The following MAMDC2 variants were observed in gnomAD, a reference collection of about 807,000 sequenced individuals.
MAMDC2 encodes MAM domain containing 2, also known as MAM domain-containing protein 2.
Under a neutral mutation model 89.8 loss-of-function variants are expected in MAMDC2, and 57 were observed. The ratio of observed to expected loss-of-function variants is 0.63; its 90% CI spans 0.51 to 0.79. MAMDC2 has a LOEUF of 0.79. Ranked by LOEUF, MAMDC2 falls within the 30% of genes least tolerant of loss-of-function variation. The pLI, the probability that MAMDC2 is intolerant of heterozygous loss-of-function variation, is 0.00. For synonymous variants in MAMDC2, 313 were observed against 293.4 expected (o/e 1.07, Z -0.68); for missense variants, 800 against 820.6 (o/e 0.97, Z 0.31).
chr9:70,065,596 T>A lies in MAMDC2; in HGVS notation c.148+20899T>A, dbSNP rs867363159. 6.9e-3 allele frequency among the ~76,000 whole-genome samples: 894 copies of A among 128,782 alleles called. 8 individuals carry two copies. The highest frequency in any genetic ancestry group is 0.014 in the African/African-American group (497 of 35,572). The allele number at this position is 128,782 out of a possible 152,430, so 84.5% of individuals were successfully genotyped here. A position where few individuals can be genotyped will look rare whatever the true frequency, so the allele number is the denominator to read the frequency against. ...CCCACGTCCTTTTTTTTTTTTTTTT[T>A]AATACATGGAGGCCCCTGAAAGTTA... On this transcript the variant is annotated intron_variant, in intron 2 of 13. Transcript: ENST00000377182.
intron 11 of MAMDC2, among the ~76,000 whole-genome samples, chr9:70,173,210 C>T (rs1434408961): frequency 1.3e-5 from 2 of 152,030 alleles, no homozygotes; most frequent in African/African-American, 4.8e-5. Context: ...AACATTGAAT[C>T]TAGCGGAAAG....
At chr9:70,197,023 C>A (rs945226933) in intron 11 of MAMDC2, among the ~76,000 whole-genome samples, 8 of 151,544 alleles carry the variant, frequency 5.3e-5, no homozygotes, top group Non-Finnish European at 8.8e-5. Flanking sequence ...ATGCTCCTAG[C>A]CATTCTAAAT....
At chr9:70,209,573 T>G (rs758030940) in intron 11 of MAMDC2, among the ~76,000 whole-genome samples, 1 of 137,514 alleles carries the variant, frequency 7.3e-6, no homozygotes, top group Non-Finnish European at 1.6e-5. Flanking sequence ...ATTGATCTTT[T>G]TAAAAAACCA....
At chr9:70,135,683 A>C (rs899624665) in intron 7 of MAMDC2, among the ~76,000 whole-genome samples, 21 of 152,130 alleles carry the variant, frequency 1.4e-4, no homozygotes, top group African/African-American at 4.6e-4. Context: ...AATTGAGAGG[A>C]AGATACAGAG....
intron 9 of MAMDC2, chr9:70,157,708 G>A (rs2031812548): frequency 2.0e-5 from 3 of 152,508 alleles, no homozygotes; most frequent in African/African-American, 7.2e-5. Flanking sequence ...ATTTGGTTCT[G>A]CTTTATTCAA....
chr9:70,155,439 G>A (rs567187045), intron 9 of MAMDC2, among the ~76,000 whole-genome samples: 2 of 152,018 alleles, frequency 1.3e-5, no homozygotes, highest in African/African-American at 2.4e-5. Flanking sequence ...CTTGCTCTTC[G>A]TCAAAACCAA....
At chr9:70,084,660 T>G (rs183639067) in intron 2 of MAMDC2, among the ~76,000 whole-genome samples, 291 of 152,302 alleles carry the variant, frequency 1.9e-3, no homozygotes, top group African/African-American at 6.8e-3. Context: ...CTAAATGTGC[T>G]TTCAATTCAG....
intron 11 of MAMDC2, among the ~76,000 whole-genome samples, chr9:70,186,663 T>C (rs1212481201): frequency 6.6e-6 from 1 of 152,258 alleles, no homozygotes; most frequent in Non-Finnish European, 1.5e-5. Flanking sequence ...TATAAAGGAA[T>C]ATCTGAGATG....
chr9:70,143,583 A>G lies in MAMDC2; in HGVS notation c.1168A>G (p.Thr390Ala), dbSNP rs1213312934. Residue 390 changes from threonine to alanine, a missense_variant, in exon 9 of 14, where the codon ACA (threonine) becomes GCA (alanine). Coordinates refer to ENST00000377182, the MANE Select transcript of MAMDC2 (RefSeq NM_153267.5). ...TTACCTGCTAGCCAACACAAAGTTC[A>G]CATCTCAGCCTGGCTACATTGGAAG... ...GYYLLANTKFTSQPGYIGRLY... is the reference protein window; with the variant it reads ...GYYLLANTKFASQPGYIGRLY... 1.2e-6 allele frequency: 2 copies of G among 1,614,028 alleles called. No homozygotes were observed. Among genetic ancestry groups the G allele is most frequent in the Admixed American group, 1.7e-5 (1 of 60,000 alleles).
intron 11 of MAMDC2, chr9:70,217,269 C>T (rs1221790794): frequency 2.5e-5 from 28 of 1,098,940 alleles, no homozygotes; most frequent in South Asian, 7.4e-5. Flanking sequence ...CCAGGACCGA[C>T]GGGAAGGTTT....
At chr9:70,164,836 C>T (rs1265506710) in intron 9 of MAMDC2, among the ~76,000 whole-genome samples, 3 of 151,792 alleles carry the variant, frequency 2.0e-5, no homozygotes, top group African/African-American at 7.3e-5. Context: ...GATGGAACCT[C>T]TCTATGCTGC....
At chr9:70,060,391 T>G (rs79169282) in intron 2 of MAMDC2, among the ~76,000 whole-genome samples, 1 of 152,214 alleles carries the variant, frequency 6.6e-6, no homozygotes, top group Non-Finnish European at 1.5e-5. Context: ...TCGAGCATCA[T>G]GGAGACTTCC....
At chr9:70,148,443 T>C (rs1418967363) in intron 9 of MAMDC2, among the ~76,000 whole-genome samples, 1 of 150,412 alleles carries the variant, frequency 6.6e-6, no homozygotes, top group Non-Finnish European at 1.5e-5. Flanking sequence ...CTTACTAGCT[T>C]TGCAATCAGA....
chr9:70,186,453 C>G (rs1399147843), intron 11 of MAMDC2, among the ~76,000 whole-genome samples: 1 of 152,124 alleles, frequency 6.6e-6, no homozygotes, highest in East Asian at 1.9e-4. Context: ...TCCTTAACAG[C>G]CATTTATTTA....
chr9:70,214,707 C>G (rs1376378230), intron 11 of MAMDC2, among the ~76,000 whole-genome samples: 1 of 152,048 alleles, frequency 6.6e-6, no homozygotes. Flanking sequence ...CAGCTTGGAC[C>G]AGGGTGATAG....
At chr9:70,171,975 T>C (rs757920102) in intron 11 of MAMDC2, 7 of 152,246 alleles carry the variant, frequency 4.6e-5, no homozygotes, top group Non-Finnish European at 8.8e-5. Context: ...GATAAGCCTA[T>C]GGAATAATTA....
chr9:70,202,275 A>T (rs1461419040), intron 11 of MAMDC2, among the ~76,000 whole-genome samples: 3 of 151,604 alleles, frequency 2.0e-5, no homozygotes, highest in African/African-American at 7.3e-5. Context: ...GTTGGTTTCA[A>T]ACAACATCTT....
chr9:70,124,256 C>T (rs1161092034), intron 5 of MAMDC2, among the ~76,000 whole-genome samples: 4 of 152,102 alleles, frequency 2.6e-5, no homozygotes, highest in African/African-American at 9.7e-5. Flanking sequence ...TTCTGTTTCT[C>T]GATGTGGGGG....
intron 11 of MAMDC2, chr9:70,194,140 T>C (rs1370058575): frequency 2.0e-5 from 3 of 152,134 alleles, no homozygotes; most frequent in Non-Finnish European, 4.4e-5. Context: ...CAGCATGGTA[T>C]GGAAAGACCA....
Sources: gnomAD v4.1 joint callset for allele counts (sites outside exome capture counted in the v4.1 genomes callset) on GRCh38, gnomAD v4.1.1 for gene constraint, MANE v1.5 for transcripts, NCBI Gene and HGNC (gene_info 2026-07-23, HGNC 2026-07-21) for gene names.